Variants in DCLK2 observed in about 807,000 individuals in gnomAD.
DCLK2 encodes doublecortin like kinase 2, also known as serine/threonine-protein kinase DCLK2.
DCLK2 carries 31 observed loss-of-function variants against 78.4 expected under a neutral mutation model. That is an observed-to-expected ratio of 0.40 (90% CI 0.30 to 0.53). DCLK2 has a LOEUF of 0.53. DCLK2 is among the 20% of genes least tolerant of loss of function. The pLI is 0.61. For synonymous variants in DCLK2, 407 were observed against 374.9 expected, an observed-to-expected ratio of 1.09 and a Z score of -0.99; for missense variants, 872 against 973.7, an observed-to-expected ratio of 0.90 and a Z score of 1.39.
chr4:150,254,416 C>G (rs1744416145), intron 15 of DCLK2: 1 of 399,056 alleles, frequency 2.5e-6, no homozygotes. Context: ...CATTGCTTCC[C>G]TCTGGCTAGG....
In DCLK2 at chr4:150,128,925, C is replaced by G. The variant is rs767252320; in HGVS notation, c.756+26113C>G. Among the ~76,000 whole-genome samples the G allele has an allele frequency of 2.0e-5, 3 of 152,238 alleles. No individual in the cohort carries two copies. In the South Asian group the frequency reaches 6.2e-4, roughly 32 times the overall value. On this transcript the variant is annotated intron_variant, in intron 2 of 15. Coordinates refer to ENST00000296550, the MANE Select transcript of DCLK2 (RefSeq NM_001040260.4). ...TTTCCCTGTGCTTTTTGTTATCAAA[C>G]TATTTGAGAAGTTTGTGGCAGAACA...
intron 2 of DCLK2, among the ~76,000 whole-genome samples, chr4:150,105,439 T>C (rs921898232): frequency 6.6e-6 from 1 of 151,396 alleles, no homozygotes; most frequent in African/African-American, 2.5e-5. Context: ...AGTGAGATGT[T>C]TTAATATTTA....
intron 2 of DCLK2, among the ~76,000 whole-genome samples, chr4:150,142,800 T>C (rs10857244): frequency 0.6 from 89,977 of 151,092 alleles, 27,228 homozygotes; most frequent in South Asian, 0.81. Flanking sequence ...AAAACTAAAA[T>C]GCTGATTTTT....
chr4:150,113,274 G>A (rs1580525576), intron 2 of DCLK2, among the ~76,000 whole-genome samples: 1 of 152,156 alleles, frequency 6.6e-6, no homozygotes, highest in East Asian at 1.9e-4. Flanking sequence ...AGTTAGGGTG[G>A]ATTCCCTCTT....
chr4:150,162,642 T>C (rs1196018322), intron 2 of DCLK2, among the ~76,000 whole-genome samples: 2 of 152,096 alleles, frequency 1.3e-5, no homozygotes, highest in African/African-American at 4.8e-5. Context: ...TTTTTAAATT[T>C]TTTTATTTTA....
At chr4:150,102,939 GTGTGTGTGTGTGTA>G in intron 2 of DCLK2, 127 bp downstream of exon 2, 1 of 599,026 alleles carries the variant, frequency 1.7e-6, no homozygotes, top group Non-Finnish European at 2.5e-6. Flanking sequence ...ACTTGAGATT[GTGTGTGTGTGTGTA>G]TGTGTGTGTG....
At chr4:150,207,346 G>A (rs148779935) in intron 5 of DCLK2, among the ~76,000 whole-genome samples, 258 of 152,216 alleles carry the variant, frequency 1.7e-3, no homozygotes, top group African/African-American at 6.0e-3. Context: ...AGAATTTGAT[G>A]TTCTGTCACC....
rs183057343 is a variant in DCLK2 at position 150,092,157 on chromosome 4, G to C, written c.422-10321G>C. Among the ~76,000 whole-genome samples, 245 of 152,110 alleles carry C rather than the reference G, an allele frequency of 1.6e-3. 2 individuals are homozygous for C. The highest frequency in any genetic ancestry group is 5.4e-3 in the African/African-American group (226 of 41,512). On this transcript the variant is annotated intron_variant, in intron 1 of 15. Transcript: ENST00000296550. ...AGAATTTGCTTCATTTTTAAAGACT[G>C]AATAATATCTCATTGTATGTATATA...
At chr4:150,093,838 T>C (rs1240849583) in intron 1 of DCLK2, among the ~76,000 whole-genome samples, 1 of 152,182 alleles carries the variant, frequency 6.6e-6, no homozygotes, top group African/African-American at 2.4e-5. Context: ...AATTAAAACA[T>C]TATGATACTA....
At chr4:150,223,771 A>AAATC (rs1741381338) in intron 7 of DCLK2, among the ~76,000 whole-genome samples, 2 of 151,806 alleles carry the variant, frequency 1.3e-5, no homozygotes, top group African/African-American at 2.4e-5. Flanking sequence ...ATAAATAAAT[A>AAATC]AATAACATCA....
intron 9 of DCLK2, 67 bp from the exon 10 acceptor site, chr4:150,232,615 C>G (rs1479410846): frequency 6.4e-7 from 1 of 1,555,888 alleles, no homozygotes; most frequent in African/African-American, 1.4e-5. Context: ...TGCCAATGAG[C>G]CATCTTTCTT....
chr4:150,107,241 T>G (rs943607587), intron 2 of DCLK2, among the ~76,000 whole-genome samples: 1 of 152,162 alleles, frequency 6.6e-6, no homozygotes, highest in Non-Finnish European at 1.5e-5. Context: ...ATATTAACTG[T>G]GTTATTAGGC....
At chr4:150,224,737 C>T (rs1252688498) in intron 8 of DCLK2, among the ~76,000 whole-genome samples, 179 bp downstream of exon 8, 1 of 152,134 alleles carries the variant, frequency 6.6e-6, no homozygotes. Flanking sequence ...AAACTTTAAT[C>T]CTAAAACAGT....
chr4:150,156,153 C>T (rs993341523), intron 2 of DCLK2, among the ~76,000 whole-genome samples: 26 of 152,030 alleles, frequency 1.7e-4, no homozygotes, highest in Admixed American at 6.6e-4. Flanking sequence ...GGAACCTCTG[C>T]GAAGGATGAT....
intron 2 of DCLK2, among the ~76,000 whole-genome samples, chr4:150,117,938 A>T (rs1200436434): frequency 6.6e-6 from 1 of 152,190 alleles, no homozygotes; most frequent in Non-Finnish European, 1.5e-5. Flanking sequence ...AAAATTGTAT[A>T]TTCATATTCT....
chr4:150,233,022 C>T (rs1003746550), intron 10 of DCLK2, among the ~76,000 whole-genome samples, 194 bp downstream of exon 10: 2 of 152,154 alleles, frequency 1.3e-5, no homozygotes, highest in Non-Finnish European at 1.5e-5. Flanking sequence ...TTGTTATTTA[C>T]CACTCTGCTA....
intron 2 of DCLK2, among the ~76,000 whole-genome samples, chr4:150,112,760 C>T (rs2150169258): frequency 6.6e-6 from 1 of 151,322 alleles, no homozygotes; most frequent in East Asian, 2.0e-4. Context: ...TTAAATTATC[C>T]CTGCATGCCT....
chr4:150,239,514 A>T (rs1742748414), intron 10 of DCLK2, among the ~76,000 whole-genome samples: 1 of 151,922 alleles, frequency 6.6e-6, no homozygotes. Flanking sequence ...TGGGGGAAGG[A>T]TTACTTCAGC....
At chr4:150,181,805 T>A (rs1336681389) in intron 2 of DCLK2, among the ~76,000 whole-genome samples, 1 of 152,176 alleles carries the variant, frequency 6.6e-6, no homozygotes, top group Non-Finnish European at 1.5e-5. Flanking sequence ...TAAGTAGCTT[T>A]CTTCTTCCTG....
Sources: gnomAD v4.1 joint callset for allele counts (sites outside exome capture counted in the v4.1 genomes callset) on GRCh38, gnomAD v4.1.1 for gene constraint, MANE v1.5 for transcripts, NCBI Gene and HGNC (gene_info 2026-07-23, HGNC 2026-07-21) for gene names.